The following USH2A variants were observed in gnomAD, a reference collection of about 807,000 sequenced individuals.
USH2A encodes the protein usherin.
USH2A carries 443 observed loss-of-function variants against 538.9 expected under a neutral mutation model. The ratio of observed to expected loss-of-function variants is 0.82; its 90% CI spans 0.76 to 0.89. The LOEUF is 0.89. Ranked by LOEUF, USH2A falls within the 40% of genes least tolerant of loss-of-function variation. The probability of loss-of-function intolerance (pLI) is 0.00; values close to 1 mark genes in which losing one functional copy is unlikely to be tolerated. For missense variants in USH2A, 6,633 were observed against 6,324.8 expected (o/e 1.05, Z -1.65); for synonymous variants, 2,413 against 2,273.5 (o/e 1.06, Z -1.75).
At chr1:215,680,430 T>TA in intron 61 of USH2A, 54 bp from the exon 62 acceptor site, 9 of 1,565,642 alleles carry the variant, frequency 5.7e-6, no homozygotes, top group Non-Finnish European at 7.0e-6. Context: ...AAACTGACAA[T>TA]ATTGCTGGAA....
intron 60 of USH2A, among the ~76,000 whole-genome samples, chr1:215,731,077 A>T (rs1246649165): frequency 1.3e-5 from 2 of 152,182 alleles, no homozygotes; most frequent in Admixed American, 1.3e-4. Context: ...ATGACAATTC[A>T]ATTAATTTTT....
rs552580889 is a variant in USH2A at position 216,307,873 on chromosome 1, T to C, written c.1644+14010A>G. ...ACCTTCAGGTTCCCCAGGAAGGCTA[T>C]GTGTTCAGGGGTGGAAGATCCCCCT... On this transcript the variant is annotated intron_variant, in intron 9 of 71. Transcript: ENST00000307340. Among the ~76,000 whole-genome samples, 509 of 152,336 alleles carry C rather than the reference T, an allele frequency of 3.3e-3. 4 individuals carry two copies. Among genetic ancestry groups the C allele is most frequent in the Non-Finnish European group, 3.8e-3 (260 of 68,034 alleles).
intron 55 of USH2A, among the ~76,000 whole-genome samples, chr1:215,772,681 A>G (rs1402515924): frequency 1.3e-5 from 2 of 152,196 alleles, no homozygotes; most frequent in Non-Finnish European, 2.9e-5. Flanking sequence ...CCAATTTTTA[A>G]TCTCTTGATA....
chr1:215,664,743 G>A (rs1657550432), intron 64 of USH2A, among the ~76,000 whole-genome samples: 1 of 152,140 alleles, frequency 6.6e-6, no homozygotes, highest in Non-Finnish European at 1.5e-5. Context: ...ATAGGGTGGA[G>A]CCCTCATGAA....
At chr1:215,704,930 T>C (rs1659142450) in intron 61 of USH2A, among the ~76,000 whole-genome samples, 1 of 152,176 alleles carries the variant, frequency 6.6e-6, no homozygotes, top group Non-Finnish European at 1.5e-5. Flanking sequence ...CTTGAACTCT[T>C]AGAGGACAGG....
In USH2A at chr1:215,728,315, A is replaced by T; in HGVS notation, c.11781T>A (p.Asp3927Glu). Residue 3927 changes from aspartate to glutamate, a missense_variant, in exon 61 of 72, where the codon GAT becomes GAA. By Grantham distance (45) the Asp-to-Glu change is conservative. Coordinates refer to ENST00000307340, the MANE Select transcript of USH2A (RefSeq NM_206933.4). ...TGAAAGGCCTCAGGGTGTCTCCTTC[A>T]TCCATAAATTCAAGGGCTCCTTCTG... Reference protein sequence around the residue: ...VWSEGALEFMDEGDTLRPFTL... With the variant: ...VWSEGALEFMEEGDTLRPFTL... 6.2e-7 allele frequency: 1 copy of T among 1,614,206 alleles called. No homozygotes were observed. The highest frequency in any genetic ancestry group is 8.5e-7 in the Non-Finnish European group (1 of 1,180,040).
At chr1:215,837,254 A>G (rs189427362) in intron 47 of USH2A, among the ~76,000 whole-genome samples, 45 of 151,812 alleles carry the variant, frequency 3.0e-4, no homozygotes, top group Middle Eastern at 3.4e-3. Flanking sequence ...CAGTGTGTGT[A>G]TGTGTCTGTG....
intron 4 of USH2A, among the ~76,000 whole-genome samples, chr1:216,348,863 C>CA (rs1044855898): frequency 8.6e-5 from 13 of 151,254 alleles, no homozygotes; most frequent in African/African-American, 2.4e-4. Flanking sequence ...GACTACTATT[C>CA]AAAAAAAACC....
chr1:216,347,813 A>C (rs2102686703), intron 4 of USH2A, among the ~76,000 whole-genome samples: 1 of 152,220 alleles, frequency 6.6e-6, no homozygotes, highest in Admixed American at 6.6e-5. Flanking sequence ...TTAAAAAGTA[A>C]GTTTAGAGTC....
At chr1:215,739,115 A>G (rs560792529) in intron 60 of USH2A, among the ~76,000 whole-genome samples, 1 of 152,302 alleles carries the variant, frequency 6.6e-6, no homozygotes, top group African/African-American at 2.4e-5. Context: ...TTTCACTTTA[A>G]ATAAAAAACA....
Position 215,878,754 on chromosome 1 carries a change from C to T in USH2A, c.8558+10G>A. ...ACAGCAACATAAAAATCATAGTCAC[C>T]TTCTCTTACCTCAAATTAGGTCCAT... On this transcript the variant is annotated intron_variant, in intron 42 of 71. Transcript: ENST00000307340. 1.2e-6 allele frequency: 2 copies of T among 1,613,466 alleles called. No individual in the cohort carries two copies. Among genetic ancestry groups the T allele is most frequent in the Non-Finnish European group, 1.7e-6 (2 of 1,179,656 alleles).
intron 26 of USH2A, among the ~76,000 whole-genome samples, 191 bp from the exon 27 acceptor site, chr1:216,078,553 A>G (rs982567485): frequency 2.6e-5 from 4 of 152,178 alleles, no homozygotes; most frequent in East Asian, 1.9e-4. Flanking sequence ...TATAGTTGAC[A>G]TGAAGAATGT....
At chr1:215,872,303 A>T (rs1207284817) in intron 43 of USH2A, among the ~76,000 whole-genome samples, 1 of 152,244 alleles carries the variant, frequency 6.6e-6, no homozygotes, top group Non-Finnish European at 1.5e-5. Context: ...CACTTTAAAA[A>T]ATCTATTTGT....
intron 64 of USH2A, among the ~76,000 whole-genome samples, chr1:215,664,917 C>T (rs752420799): frequency 7.2e-5 from 11 of 152,176 alleles, no homozygotes; most frequent in Non-Finnish European, 1.5e-4. Context: ...TTTAAAGCCA[C>T]CCAGTCTATG....
intron 3 of USH2A, among the ~76,000 whole-genome samples, chr1:216,365,790 T>C (rs946892335): frequency 2.6e-5 from 4 of 152,138 alleles, no homozygotes; most frequent in African/African-American, 9.7e-5. Context: ...AATGCTGTAA[T>C]GCAAAAGCAT....
chr1:215,746,236 G>A (rs1660466160), intron 58 of USH2A, among the ~76,000 whole-genome samples: 1 of 152,100 alleles, frequency 6.6e-6, no homozygotes, highest in African/African-American at 2.4e-5. Flanking sequence ...TAATTGGTGT[G>A]TCTGAATGGT....
chr1:216,359,951 C>T (rs2038460022), intron 4 of USH2A, among the ~76,000 whole-genome samples: 1 of 152,108 alleles, frequency 6.6e-6, no homozygotes, highest in African/African-American at 2.4e-5. Flanking sequence ...CAGGGACTCT[C>T]TTTCATTGCT....
At chr1:216,153,594 C>G (rs2033882541) in intron 21 of USH2A, among the ~76,000 whole-genome samples, 1 of 152,182 alleles carries the variant, frequency 6.6e-6, no homozygotes, top group Admixed American at 6.5e-5. Context: ...TTGACAGACA[C>G]CACTAGTGTC....
At chr1:215,923,876 T>C (rs115410582) in intron 38 of USH2A, among the ~76,000 whole-genome samples, 1,898 of 151,986 alleles carry the variant, frequency 0.012, 40 homozygotes, top group African/African-American at 0.044. Context: ...CTCATTTTTT[T>C]TTTCATTTTA....
Sources: gnomAD v4.1 joint callset for allele counts (sites outside exome capture counted in the v4.1 genomes callset) on GRCh38, gnomAD v4.1.1 for gene constraint, MANE v1.5 for transcripts, NCBI Gene and HGNC (gene_info 2026-07-23, HGNC 2026-07-21) for gene names.